Variants in GSR observed in about 807,000 individuals in gnomAD.
GSR encodes glutathione reductase, mitochondrial.
In GSR, 48 loss-of-function variants were observed where a neutral mutation model predicts 56.5. The ratio of observed to expected loss-of-function variants is 0.85; its 90% CI spans 0.67 to 1.08. The LOEUF is 1.08. Ranked by LOEUF, GSR falls within the 50% of genes least tolerant of loss-of-function variation. The pLI, the probability that GSR is intolerant of heterozygous loss-of-function variation, is 0.00. For synonymous variants in GSR, 264 were observed against 270.8 expected (o/e 0.97, Z 0.25); for missense variants, 694 against 703.3 (o/e 0.99, Z 0.15).
chr8:30,721,288 T>G (rs539747195), intron 1 of GSR, among the ~76,000 whole-genome samples: 23 of 152,196 alleles, frequency 1.5e-4, no homozygotes, highest in Admixed American at 1.2e-3. Flanking sequence ...GTAACTGCAG[T>G]AATATTTAAT....
intron 8 of GSR, 149 bp downstream of exon 8, chr8:30,692,820 A>C: frequency 1.5e-6 from 1 of 683,058 alleles, no homozygotes; most frequent in Non-Finnish European, 2.7e-6. Flanking sequence ...GCTTCTTAGG[A>C]GGAAGGAAAT....
At chr8:30,713,389 C>T (rs2911675) in intron 1 of GSR, among the ~76,000 whole-genome samples, 100,760 of 151,482 alleles carry the variant, frequency 0.67, 36,840 homozygotes, top group East Asian at 0.82. Flanking sequence ...GACTGAGTCT[C>T]ACTATATCGC....
chr8:30,693,522 G>C (rs1418706830), intron 7 of GSR, among the ~76,000 whole-genome samples: 1 of 151,752 alleles, frequency 6.6e-6, no homozygotes, highest in Non-Finnish European at 1.5e-5. Flanking sequence ...TATTCACAGA[G>C]TAGTTCTTTT....
chr8:30,713,225 T>TG (rs113882087), intron 1 of GSR, among the ~76,000 whole-genome samples: 3,900 of 152,176 alleles, frequency 0.026, 148 homozygotes, highest in African/African-American at 0.087. Context: ...TCAGTAGAGA[T>TG]GGGGTTTTGC....
chr8:30,712,591 T>C (rs1290961516), intron 1 of GSR, among the ~76,000 whole-genome samples: 2 of 152,128 alleles, frequency 1.3e-5, no homozygotes, highest in Admixed American at 6.5e-5. Flanking sequence ...GGGGGACCCT[T>C]TGAGCCTGGA....
At chr8:30,682,234 C>T (rs1802986121) in intron 10 of GSR, among the ~76,000 whole-genome samples, 173 bp from the exon 11 acceptor site, 1 of 152,120 alleles carries the variant, frequency 6.6e-6, no homozygotes, top group Non-Finnish European at 1.5e-5. Flanking sequence ...CATGCCTCAG[C>T]GAACAACTCA....
chr8:30,721,971 G>T (rs1300990691), intron 1 of GSR, among the ~76,000 whole-genome samples: 5 of 150,768 alleles, frequency 3.3e-5, no homozygotes, highest in African/African-American at 1.2e-4. Flanking sequence ...AGCCAAGATG[G>T]TACCACTACA....
intron 3 of GSR, among the ~76,000 whole-genome samples, chr8:30,709,254 A>T (rs1485690719): frequency 6.6e-6 from 1 of 152,034 alleles, no homozygotes; most frequent in Non-Finnish European, 1.5e-5. Flanking sequence ...AGTCCCAGCT[A>T]CTCAGGAGGC....
At position 30,709,854 on chromosome 8, in the gene GSR, C is replaced by G; in HGVS notation, c.382G>C (p.Asp128His). The G allele has an allele frequency of 6.4e-7, 1 of 1,563,600 alleles. No individual in the cohort carries two copies. Among genetic ancestry groups the G allele is most frequent in the Non-Finnish European group, 8.7e-7 (1 of 1,143,744 alleles). The change falls in exon 3 of 13, where the codon GAT becomes CAT. Residue 128 changes from aspartate (D) to histidine (H), a missense_variant. Asp to His is a moderately conservative substitution (Grantham distance 81). Transcript: ENST00000221130. Reference protein sequence around the residue: ...VHSEFMHDHADYGFPSCEGKF... With the variant: ...VHSEFMHDHAHYGFPSCEGKF... ...CCCTCACAACTTGGAAAGCCATAATCAGCATGATCATGCATGAATTCAGAG... is the reference window on the plus strand; with the variant it reads ...CCCTCACAACTTGGAAAGCCATAATGAGCATGATCATGCATGAATTCAGAG...
intron 9 of GSR, among the ~76,000 whole-genome samples, chr8:30,684,951 T>G (rs1196175796): frequency 1.5e-5 from 2 of 131,086 alleles, no homozygotes; most frequent in East Asian, 4.1e-4. Flanking sequence ...ATTTATTTAT[T>G]TATTTATTTA....
At position 30,680,381 on chromosome 8, in the gene GSR, G is replaced by GTTTTGTTTTTT. The variant is rs1480095900; in HGVS notation, c.1419+522_1419+523insAAAAAACAAAA. ...ACAGCGCCTGGCCCTGGCCTCTCCT[G>GTTTTGTTTTTT]TTTTTTTTTTTTTTTTTTTTTTTTT... On this transcript the variant is annotated intron_variant, in intron 12 of 12. Transcript: ENST00000221130. Among the ~76,000 whole-genome samples, 16 of 33,378 alleles carry GTTTTGTTTTTT rather than the reference G, an allele frequency of 4.8e-4. 3 individuals carry two copies. Among genetic ancestry groups the GTTTTGTTTTTT allele is most frequent in the Admixed American group, 7.5e-4 (2 of 2,666 alleles). 21.9% of individuals were successfully genotyped at this position (33,378 alleles called of 152,430 possible).
At chr8:30,719,925 C>A (rs1302367535) in intron 1 of GSR, among the ~76,000 whole-genome samples, 1 of 152,150 alleles carries the variant, frequency 6.6e-6, no homozygotes, top group Non-Finnish European at 1.5e-5. Flanking sequence ...CAATAGTGAA[C>A]TTGCGGCTGG....
At chr8:30,692,892 AAACT>A in intron 8 of GSR, 73 bp downstream of exon 8, 1 of 886,416 alleles carries the variant, frequency 1.1e-6, no homozygotes, top group Admixed American at 1.7e-5. Flanking sequence ...TTGTGTTTTT[AAACT>A]AACTGGGCGA....
At chr8:30,700,723 C>CAAAAAAAAAAA (rs55702917) in intron 5 of GSR, among the ~76,000 whole-genome samples, 5,201 of 79,746 alleles carry the variant, frequency 0.065, 909 homozygotes, top group Non-Finnish European at 0.089. Context: ...ATTTTGTCTC[C>CAAAAAAAAAAA]AAAAAAAAAA....
At chr8:30,716,668 T>G (rs2978297) in intron 1 of GSR, among the ~76,000 whole-genome samples, 141,738 of 152,208 alleles carry the variant, frequency 0.93, 66,759 homozygotes, top group East Asian at 1. Flanking sequence ...ATTAGCCAGG[T>G]GTGATAGTGA....
chr8:30,692,482 C>T (rs1282491562), intron 8 of GSR, among the ~76,000 whole-genome samples: 3 of 138,984 alleles, frequency 2.2e-5, no homozygotes, highest in East Asian at 4.5e-4. Context: ...AGGTGTGAGC[C>T]ACCACACCCA....
Position 30,679,589 on chromosome 8 carries a change from C to T in GSR, c.1500G>A (p.Thr500=), listed in dbSNP as rs368833049. The change falls in exon 13 of 13, where the codon ACG becomes ACA. Residue 500 remains threonine, a synonymous_variant. Coordinates refer to ENST00000221130, the MANE Select transcript of GSR (RefSeq NM_000637.5). ...GFAVAVKMGA[T]KADFDNTVAI... ...CGACTGTGTTGTCAAAGTCTGCCTT[C>T]GTTGCTCCCATCTTCACTGCAACAG... The T allele has an allele frequency of 1.6e-4, 252 of 1,613,898 alleles. No homozygotes were observed. The Admixed American group carries it at 1.8e-3, about 12-fold the overall frequency.
At chr8:30,690,906 A>AT (rs1365913605) in intron 8 of GSR, among the ~76,000 whole-genome samples, 8 of 150,634 alleles carry the variant, frequency 5.3e-5, no homozygotes, top group East Asian at 1.9e-4. Context: ...GTCTACAAAA[A>AT]TTTTTTTTTT....
chr8:30,683,329 G>T (rs1269239342), intron 10 of GSR, among the ~76,000 whole-genome samples: 1 of 152,100 alleles, frequency 6.6e-6, no homozygotes, highest in African/African-American at 2.4e-5. Flanking sequence ...ATAAGGCCCT[G>T]GGACACGCTG....
Sources: gnomAD v4.1 joint callset for allele counts (sites outside exome capture counted in the v4.1 genomes callset) on GRCh38, gnomAD v4.1.1 for gene constraint, MANE v1.5 for transcripts, NCBI Gene and HGNC (gene_info 2026-07-23, HGNC 2026-07-21) for gene names.